Variants in AJAP1 observed in about 807,000 individuals in gnomAD.
AJAP1 encodes the protein adherens junctions associated protein 1, also known as adherens junction-associated protein 1.
Under a neutral mutation model 35.0 loss-of-function variants are expected in AJAP1, and 5 were observed. The observed-to-expected ratio is 0.14, with a 90% CI of 0.07 to 0.30. The LOEUF (loss-of-function observed/expected upper bound fraction) is 0.30. AJAP1 is among the 10% of genes least tolerant of loss of function. The probability of loss-of-function intolerance (pLI) is 1.00; values close to 1 mark genes in which losing one functional copy is unlikely to be tolerated. For synonymous variants in AJAP1, 284 were observed against 249.3 expected, an observed-to-expected ratio of 1.14 and a Z score of -1.31; for missense variants, 586 against 571.0, an observed-to-expected ratio of 1.03 and a Z score of -0.27.
chr1:4,732,185 G>A (rs1473611224), intron 2 of AJAP1, among the ~76,000 whole-genome samples: 4 of 152,258 alleles, frequency 2.6e-5, no homozygotes, highest in Non-Finnish European at 5.9e-5. Flanking sequence ...ATGATGTGGG[G>A]ATGGGGCACA....
chr1:4,684,720 G>T (rs1189096446), intron 1 of AJAP1, among the ~76,000 whole-genome samples: 1 of 152,140 alleles, frequency 6.6e-6, no homozygotes, highest in Non-Finnish European at 1.5e-5. Context: ...GAGGCACAAA[G>T]GTATCACTGT....
chr1:4,673,386 T>C (rs1639289168), intron 1 of AJAP1, among the ~76,000 whole-genome samples: 1 of 152,236 alleles, frequency 6.6e-6, no homozygotes, highest in African/African-American at 2.4e-5. Context: ...TCCCCTCCCC[T>C]GCCCTTCATC....
intron 5 of AJAP1, among the ~76,000 whole-genome samples, chr1:4,781,558 C>T (rs1180632128): frequency 6.6e-6 from 1 of 152,264 alleles, no homozygotes; most frequent in Admixed American, 6.5e-5. Flanking sequence ...CGGGTACCCC[C>T]GCCCCATCCT....
chr1:4,704,101 C>T (rs1168116523), intron 1 of AJAP1, among the ~76,000 whole-genome samples: 2 of 152,082 alleles, frequency 1.3e-5, no homozygotes, highest in African/African-American at 4.8e-5. Flanking sequence ...GATAATTACC[C>T]CCTTACACTA....
chr1:4,701,220 T>C (rs2100244990), intron 1 of AJAP1, among the ~76,000 whole-genome samples: 1 of 152,290 alleles, frequency 6.6e-6, no homozygotes, highest in East Asian at 1.9e-4. Flanking sequence ...TGCTGGGTGC[T>C]CCCGTGAGCA....
intron 1 of AJAP1, among the ~76,000 whole-genome samples, chr1:4,681,728 C>T (rs1362451063): frequency 6.6e-6 from 1 of 152,190 alleles, no homozygotes; most frequent in Non-Finnish European, 1.5e-5. Context: ...ATTTGTCCCC[C>T]TCTGCTCTAA....
intron 5 of AJAP1, among the ~76,000 whole-genome samples, chr1:4,780,158 T>C (rs1570235411): frequency 7.6e-6 from 1 of 132,446 alleles, no homozygotes. Flanking sequence ...AAAAAAAAAA[T>C]TACCATGTAA....
intron 1 of AJAP1, among the ~76,000 whole-genome samples, chr1:4,685,802 G>C (rs1466165616): frequency 6.6e-6 from 1 of 152,202 alleles, no homozygotes; most frequent in Non-Finnish European, 1.5e-5. Flanking sequence ...GGCCTTTCCT[G>C]GGTAGAATCT....
Position 4,655,286 on chromosome 1 carries a change from G to T in AJAP1, c.-140G>T. The T allele has an allele frequency of 1.9e-6, 1 of 535,128 alleles. No individual in the cohort carries two copies. The highest frequency in any genetic ancestry group is 2.5e-6 in the Non-Finnish European group (1 of 399,622). The allele number at this position is 535,128 out of a possible 1,614,324, so 33.1% of individuals were successfully genotyped here. ...GCGGCCGCGCTCTGACTCGCTGTGCGCCCCGCGGCCGGCGGGCGGCGGGAG... is the reference window on the plus strand; with the variant it reads ...GCGGCCGCGCTCTGACTCGCTGTGCTCCCCGCGGCCGGCGGGCGGCGGGAG... On this transcript the variant is annotated 5_prime_UTR_variant, in exon 1 of 6. Coordinates refer to ENST00000378191, the MANE Select transcript of AJAP1 (RefSeq NM_018836.4). The surrounding 1 kb of genome is among the most constrained non-coding windows in gnomAD (Gnocchi z 6.9).
intron 2 of AJAP1, among the ~76,000 whole-genome samples, chr1:4,759,857 G>A (rs1209077148): frequency 3.9e-5 from 6 of 152,158 alleles, no homozygotes; most frequent in Non-Finnish European, 5.9e-5. Context: ...CTGCTAACAC[G>A]CAGGGCCCAG....
chr1:4,737,475 A>T (rs755258442), intron 2 of AJAP1, among the ~76,000 whole-genome samples: 1 of 151,808 alleles, frequency 6.6e-6, no homozygotes, highest in Non-Finnish European at 1.5e-5. Context: ...GTGCAAGCAG[A>T]GACGGGAGCC....
At chr1:4,738,860 C>T (rs1640992387) in intron 2 of AJAP1, among the ~76,000 whole-genome samples, 2 of 152,064 alleles carry the variant, frequency 1.3e-5, no homozygotes, top group South Asian at 2.1e-4. Context: ...AAGGGAGGCC[C>T]CATAGGAGCA....
chr1:4,710,880 C>G (rs955049032), intron 1 of AJAP1, among the ~76,000 whole-genome samples: 1 of 152,206 alleles, frequency 6.6e-6, no homozygotes, highest in Non-Finnish European at 1.5e-5. Context: ...AGAGGCGACC[C>G]CAGACCTGGT....
At chr1:4,753,202 G>C in intron 2 of AJAP1, among the ~76,000 whole-genome samples, 1 of 152,292 alleles carries the variant, frequency 6.6e-6, no homozygotes. Flanking sequence ...ATAGGTTGAG[G>C]GGAGACAGCA....
chr1:4,774,302 A>G, intron 4 of AJAP1, 125 bp from the exon 5 acceptor site: 1 of 834,426 alleles, frequency 1.2e-6, no homozygotes, highest in Non-Finnish European at 2.0e-6. Context: ...TGGCAAGGCC[A>G]GGAGTCCACA....
At chr1:4,767,411 C>A (rs1641708342) in intron 2 of AJAP1, among the ~76,000 whole-genome samples, 1 of 151,264 alleles carries the variant, frequency 6.6e-6, no homozygotes, top group South Asian at 2.1e-4. Flanking sequence ...GTTACCACCA[C>A]CAACATCATC....
chr1:4,685,662 C>T (rs200856761), intron 1 of AJAP1, among the ~76,000 whole-genome samples: 1 of 132 alleles, frequency 7.6e-3, no homozygotes, highest in Non-Finnish European at 0.013. Flanking sequence ...GACCCTGCCC[C>T]AGCGAAGGAG....
At chr1:4,698,114 A>G (rs1639907751) in intron 1 of AJAP1, among the ~76,000 whole-genome samples, 1 of 152,156 alleles carries the variant, frequency 6.6e-6, no homozygotes, top group Non-Finnish European at 1.5e-5. Flanking sequence ...ATGAGACAGA[A>G]CCACGGCCTC....
At chr1:4,767,422 G>A (rs1049860165) in intron 2 of AJAP1, among the ~76,000 whole-genome samples, 7 of 142,804 alleles carry the variant, frequency 4.9e-5, no homozygotes, top group African/African-American at 1.3e-4. Context: ...CAACATCATC[G>A]TTACCATCAC....
Sources: allele counts gnomAD v4.1 joint callset (sites outside exome capture counted in the v4.1 genomes callset), GRCh38; gene constraint gnomAD v4.1.1; non-coding constraint Gnocchi (gnomAD v3.1); transcripts MANE v1.5; gene names NCBI Gene and HGNC (gene_info 2026-07-23, HGNC 2026-07-21).